Variants in CLYBL observed in about 807,000 individuals in gnomAD.
The protein encoded by CLYBL is citramalyl-CoA lyase, also known as citramalyl-CoA lyase, mitochondrial.
In CLYBL, 31 loss-of-function variants were observed where a neutral mutation model predicts 38.9. That is an observed-to-expected ratio of 0.80 (90% CI 0.60 to 1.08). CLYBL has a LOEUF of 1.08. Among genes scored for constraint, CLYBL ranks in the 50% least tolerant of loss-of-function variants. The probability of loss-of-function intolerance (pLI) is 0.00; values close to 1 mark genes in which losing one functional copy is unlikely to be tolerated. For synonymous variants in CLYBL, 171 were observed against 158.6 expected, an observed-to-expected ratio of 1.08 and a Z score of -0.59; for missense variants, 434 against 411.6, an observed-to-expected ratio of 1.05 and a Z score of -0.47.
At chr13:99,775,173 A>C (rs1030017875) in intron 2 of CLYBL, among the ~76,000 whole-genome samples, 1 of 152,204 alleles carries the variant, frequency 6.6e-6, no homozygotes, top group African/African-American at 2.4e-5. Context: ...TTCTAATTAT[A>C]GTTCTTCACA....
chr13:99,859,746 A>G (rs1034690130), intron 3 of CLYBL, among the ~76,000 whole-genome samples: 2 of 151,516 alleles, frequency 1.3e-5, no homozygotes, highest in East Asian at 1.9e-4. Flanking sequence ...TAATTACACT[A>G]TGATTGTTTT....
intron 1 of CLYBL, among the ~76,000 whole-genome samples, chr13:99,769,321 A>T (rs978283009): frequency 6.6e-6 from 1 of 152,056 alleles, no homozygotes; most frequent in Non-Finnish European, 1.5e-5. Flanking sequence ...ATAGATTCCA[A>T]GTGGTTTCAA....
At chr13:99,811,504 A>G (rs2138987465) in intron 2 of CLYBL, among the ~76,000 whole-genome samples, 1 of 152,328 alleles carries the variant, frequency 6.6e-6, no homozygotes, top group African/African-American at 2.4e-5. Flanking sequence ...AAAATCTGAC[A>G]GCTCTGGAAA....
chr13:99,735,689 A>C (rs956906595), intron 1 of CLYBL, among the ~76,000 whole-genome samples: 9 of 152,204 alleles, frequency 5.9e-5, no homozygotes, highest in African/African-American at 2.2e-4. Flanking sequence ...TTCCATATAT[A>C]AAACAGGCAG....
At chr13:99,708,036 T>C (rs2048172084) in intron 1 of CLYBL, among the ~76,000 whole-genome samples, 1 of 152,186 alleles carries the variant, frequency 6.6e-6, no homozygotes, top group Non-Finnish European at 1.5e-5. Context: ...CAGGCTGGAT[T>C]GAAGTGGCGC....
chr13:99,772,714 A>T, intron 1 of CLYBL, 110 bp from the exon 2 acceptor site: 1 of 944,696 alleles, frequency 1.1e-6, no homozygotes, highest in Non-Finnish European at 1.6e-6. Context: ...TAAAAATAAA[A>T]AAAGATTATC....
At chr13:99,644,956 T>C (rs1456699052) in intron 1 of CLYBL, among the ~76,000 whole-genome samples, 1 of 152,346 alleles carries the variant, frequency 6.6e-6, no homozygotes, top group East Asian at 1.9e-4. Flanking sequence ...TCTTTGCTAT[T>C]GTGAATACTG....
At chr13:99,719,252 T>C (rs1594137252) in intron 1 of CLYBL, among the ~76,000 whole-genome samples, 1 of 147,394 alleles carries the variant, frequency 6.8e-6, no homozygotes. Flanking sequence ...TCACATGATC[T>C]CCCTGCCTCA....
chr13:99,618,614 A>G (rs1383745930), intron 1 of CLYBL, among the ~76,000 whole-genome samples: 2 of 152,154 alleles, frequency 1.3e-5, no homozygotes, highest in Non-Finnish European at 2.9e-5. Flanking sequence ...CATTAAGTAC[A>G]TTCACATTGT....
chr13:99,756,106 T>C (rs2049058106), intron 1 of CLYBL, among the ~76,000 whole-genome samples: 1 of 152,200 alleles, frequency 6.6e-6, no homozygotes, highest in Non-Finnish European at 1.5e-5. Context: ...TTCCTGGTGT[T>C]CACCCCATTC....
At chr13:99,819,450 ATATATATATATATATAT>A (rs1566340219) in intron 2 of CLYBL, among the ~76,000 whole-genome samples, 1,082 of 84,728 alleles carry the variant, frequency 0.013, 55 homozygotes, top group African/African-American at 0.04. Context: ...ATATATATAT[ATATATATATATATATAT>A]AATATTTGTC....
intron 2 of CLYBL, among the ~76,000 whole-genome samples, chr13:99,825,709 G>A (rs1051641489): frequency 1.3e-5 from 2 of 152,188 alleles, no homozygotes; most frequent in Non-Finnish European, 2.9e-5. Flanking sequence ...GGCACACTTA[G>A]TGAATATCTG....
At chr13:99,619,899 A>G (rs905000134) in intron 1 of CLYBL, among the ~76,000 whole-genome samples, 4 of 152,230 alleles carry the variant, frequency 2.6e-5, no homozygotes, top group Admixed American at 6.5e-5. Flanking sequence ...TTTGAGCTCA[A>G]TTTGACCAGA....
At chr13:99,833,777 A>G (rs1309988205) in intron 2 of CLYBL, among the ~76,000 whole-genome samples, 13 of 143,008 alleles carry the variant, frequency 9.1e-5, no homozygotes, top group African/African-American at 3.4e-4. Flanking sequence ...GCAACCTCCA[A>G]CTCCCTGGTT....
chr13:99,884,523 C>T (rs1024691648), intron 7 of CLYBL, among the ~76,000 whole-genome samples: 1 of 152,220 alleles, frequency 6.6e-6, no homozygotes, highest in Non-Finnish European at 1.5e-5. Flanking sequence ...TACTCTTCAA[C>T]TCCCCTGTGC....
intron 1 of CLYBL, among the ~76,000 whole-genome samples, chr13:99,710,351 C>T (rs1031870141): frequency 2.0e-5 from 3 of 152,164 alleles, no homozygotes; most frequent in Non-Finnish European, 4.4e-5. Flanking sequence ...GAGGCAGTCA[C>T]GGGGCCGCAC....
intron 2 of CLYBL, among the ~76,000 whole-genome samples, chr13:99,801,019 C>A (rs1410536646): frequency 6.6e-6 from 1 of 152,106 alleles, no homozygotes; most frequent in Non-Finnish European, 1.5e-5. Flanking sequence ...AGGAGCAGCC[C>A]CAGTAGGGGA....
chr13:99,810,675 G>T (rs904603274), intron 2 of CLYBL, among the ~76,000 whole-genome samples: 2 of 152,106 alleles, frequency 1.3e-5, no homozygotes, highest in African/African-American at 4.8e-5. Context: ...GCAGAGATAT[G>T]TGTCTTGCAA....
chr13:99,851,442 A>C (rs901557748), intron 2 of CLYBL, among the ~76,000 whole-genome samples: 1 of 151,632 alleles, frequency 6.6e-6, no homozygotes, highest in Non-Finnish European at 1.5e-5. Context: ...AATTGGTGCC[A>C]CATTGTACAT....
Sources: gnomAD v4.1 joint callset for allele counts (sites outside exome capture counted in the v4.1 genomes callset) on GRCh38, gnomAD v4.1.1 for gene constraint, MANE v1.5 for transcripts, NCBI Gene and HGNC (gene_info 2026-07-23, HGNC 2026-07-21) for gene names.